Variants in THEMIS observed in about 807,000 individuals in gnomAD.
THEMIS encodes the protein thymocyte selection associated.
In THEMIS, 37 loss-of-function variants were observed where a neutral mutation model predicts 52.6. That is an observed-to-expected ratio of 0.70 (90% CI 0.54 to 0.93). The LOEUF (loss-of-function observed/expected upper bound fraction) is 0.93. THEMIS is among the 40% of genes least tolerant of loss of function. The pLI is 0.00. For missense variants in THEMIS, 808 were observed against 763.1 expected, an observed-to-expected ratio of 1.06 and a Z score of -0.69; for synonymous variants, 292 against 272.7, an observed-to-expected ratio of 1.07 and a Z score of -0.70.
At chr6:127,703,035 G>GGTTTGTTTTTTTTTTTTT in the THEMIS span, among the ~76,000 whole-genome samples, 1 of 82,352 alleles carries the variant, frequency 1.2e-5, no homozygotes, top group Non-Finnish European at 2.1e-5. Context: ...TTTAGAATGA[G>GGTTTGTTTTTTTTTTTTT]TTTTTTTTTT....
chr6:127,857,263 G>T (rs1159439105), intron 1 of THEMIS, among the ~76,000 whole-genome samples: 1 of 151,898 alleles, frequency 6.6e-6, no homozygotes, highest in African/African-American at 2.4e-5. Flanking sequence ...ATTTAATTAT[G>T]CAATTACATG....
At chr6:127,699,696 C>T in the THEMIS span, among the ~76,000 whole-genome samples, 312 of 151,478 alleles carry the variant, frequency 2.1e-3, 1 homozygote, top group African/African-American at 7.0e-3. Flanking sequence ...GTCTGTTTAA[C>T]GAATAGTGAT....
intron 1 of THEMIS, among the ~76,000 whole-genome samples, chr6:127,864,609 T>A (rs888771962): frequency 1.3e-5 from 2 of 152,116 alleles, no homozygotes; most frequent in African/African-American, 4.8e-5. Context: ...CAGCATCCCC[T>A]GTGATCAGAT....
chr6:127,735,625 C>T (rs1014544066), intron 4 of THEMIS, among the ~76,000 whole-genome samples: 16 of 152,118 alleles, frequency 1.1e-4, no homozygotes, highest in Admixed American at 5.9e-4. Context: ...GCTGACACTG[C>T]GATCAAGAAG....
intron 4 of THEMIS, among the ~76,000 whole-genome samples, chr6:127,793,753 G>A (rs950840246): frequency 2.6e-5 from 4 of 152,172 alleles, no homozygotes; most frequent in Non-Finnish European, 4.4e-5. Flanking sequence ...CAGTGCATAA[G>A]TACAGAATCA....
rs1413215061 is a variant in THEMIS at position 127,918,427 on chromosome 6, C to A, written c.-150+1G>T. The A allele has an allele frequency of 6.6e-6, 1 of 152,086 alleles. No individual in the cohort carries two copies. Among genetic ancestry groups the A allele is most frequent in the East Asian group, 1.9e-4 (1 of 5,188 alleles). 9.4% of individuals were successfully genotyped at this position (152,086 alleles called of 1,614,324 possible). A position where few individuals can be genotyped will look rare whatever the true frequency, so the allele number is the denominator to read the frequency against. Reference sequence around the variant, plus strand: ...AGATATTATCCCACAAAGAGCTGTACCTTTGATCAGAGAGGCTGATGTTAA... The same window carrying A: ...AGATATTATCCCACAAAGAGCTGTAACTTTGATCAGAGAGGCTGATGTTAA... On this transcript the variant is annotated splice_donor_variant, in intron 1 of 6. Transcript: ENST00000368250. LOFTEE classifies it low-confidence loss of function (5UTR_SPLICE).
intron 2 of THEMIS, among the ~76,000 whole-genome samples, chr6:127,837,219 G>T (rs1460246031): frequency 6.6e-6 from 1 of 151,982 alleles, no homozygotes; most frequent in Non-Finnish European, 1.5e-5. Context: ...CAAAAACTAA[G>T]AATAATAGAC....
intron 1 of THEMIS, 75 bp from the exon 2 acceptor site, chr6:127,855,263 T>C (rs561166265): frequency 2.3e-6 from 3 of 1,294,212 alleles, no homozygotes; most frequent in Non-Finnish European, 3.1e-6. Context: ...AAAAGCTTAA[T>C]ATAAAGTGTT....
intron 4 of THEMIS, among the ~76,000 whole-genome samples, chr6:127,748,038 C>A (rs1775509195): frequency 6.6e-6 from 1 of 152,072 alleles, no homozygotes; most frequent in Non-Finnish European, 1.5e-5. Context: ...ATAGCACATG[C>A]AAGAAGACAC....
chr6:127,711,123 T>C (rs1445580310), intron 5 of THEMIS, among the ~76,000 whole-genome samples: 4 of 151,870 alleles, frequency 2.6e-5, no homozygotes, highest in Non-Finnish European at 5.9e-5. Context: ...TCTGTAACAC[T>C]AGCTGTATAA....
intron 4 of THEMIS, among the ~76,000 whole-genome samples, chr6:127,779,844 C>G (rs1294746577): frequency 6.6e-6 from 1 of 152,136 alleles, no homozygotes; most frequent in Admixed American, 6.6e-5. Flanking sequence ...TTTTATATAG[C>G]TTCAATTTTC....
intron 2 of THEMIS, among the ~76,000 whole-genome samples, chr6:127,831,058 C>T (rs565759236): frequency 1.3e-5 from 2 of 152,298 alleles, no homozygotes; most frequent in East Asian, 3.9e-4. Flanking sequence ...GGACTGACTG[C>T]TCTTGACTAT....
Position 127,829,708 on chromosome 6 carries a change from T to C in THEMIS, c.477A>G (p.Gln159=). Residue 159 remains glutamine, a synonymous_variant, in exon 3 of 6, where the codon CAA becomes CAG. Transcript: ENST00000368248. ...ACAAAGGCAAATTAAATGAGTGAGT[T>C]TGATGATTCCTTGCTACTGCACAGC... ...MVSCAVARNH[Q]THSFNLPLSQ... 1 of 1,614,116 alleles carries C rather than the reference T, an allele frequency of 6.2e-7. No individual in the cohort carries two copies. The highest frequency in any genetic ancestry group is 2.2e-5 in the East Asian group (1 of 44,852).
chr6:127,742,447 C>T (rs921415476), intron 4 of THEMIS, among the ~76,000 whole-genome samples: 1 of 150,694 alleles, frequency 6.6e-6, no homozygotes, highest in East Asian at 1.9e-4. Flanking sequence ...AAAGCAGAGA[C>T]TCTAACAGAT....
At chr6:127,870,409 C>G (rs1583377618) in intron 1 of THEMIS, among the ~76,000 whole-genome samples, 2 of 152,192 alleles carry the variant, frequency 1.3e-5, no homozygotes, top group Non-Finnish European at 2.9e-5. Context: ...TAATGAGACA[C>G]TGCTTCCTGC....
intron 1 of THEMIS, among the ~76,000 whole-genome samples, chr6:127,884,532 A>G (rs1407634168): frequency 6.6e-6 from 1 of 152,074 alleles, no homozygotes; most frequent in Non-Finnish European, 1.5e-5. Context: ...CCTCTTGCTC[A>G]CTGCCTTTCA....
intron 4 of THEMIS, among the ~76,000 whole-genome samples, chr6:127,763,009 A>T (rs1043504636): frequency 1.3e-5 from 2 of 151,976 alleles, no homozygotes; most frequent in Non-Finnish European, 2.9e-5. Flanking sequence ...TAAGTATGAA[A>T]TAATTGGATT....
intron 4 of THEMIS, among the ~76,000 whole-genome samples, chr6:127,775,704 G>T (rs1431449333): frequency 6.7e-6 from 1 of 149,932 alleles, no homozygotes; most frequent in Non-Finnish European, 1.5e-5. Context: ...TTGCCTTTCT[G>T]TAATTTAATA....
In THEMIS at chr6:127,887,016, C is replaced by T. The variant is rs9491885; in HGVS notation, c.91+13826G>A. Among the ~76,000 whole-genome samples, 175 of 151,756 alleles carry T rather than the reference C, an allele frequency of 1.2e-3. 1 individual carries two copies. The highest frequency in any genetic ancestry group is 3.8e-3 in the African/African-American group (158 of 41,412). On this transcript the variant is annotated intron_variant, in intron 1 of 5. Transcript: ENST00000368248. The stretch of plus-strand genomic sequence containing the variant: ...CATGAGCCCTCCCCTACCTCCCCCC[C>T]CAAAAAATACATTGGATTTCATCAA...
Sources: allele counts gnomAD v4.1 joint callset (sites outside exome capture counted in the v4.1 genomes callset), GRCh38; gene constraint gnomAD v4.1.1; transcripts MANE v1.5; gene names NCBI Gene and HGNC (gene_info 2026-07-23, HGNC 2026-07-21).